The following SH3RF3 variants were observed in gnomAD, a reference collection of about 807,000 sequenced individuals.
SH3RF3 encodes SH3 domain containing ring finger 3.
SH3RF3 carries 29 observed loss-of-function variants against 66.3 expected under a neutral mutation model. The observed-to-expected ratio is 0.44, with a 90% CI of 0.33 to 0.60. The LOEUF is 0.60. SH3RF3 is among the 20% of genes least tolerant of loss of function. SH3RF3 has a pLI of 0.04. For missense variants in SH3RF3, 1,194 were observed against 1,190.9 expected, an observed-to-expected ratio of 1.00 and a Z score of -0.04; for synonymous variants, 583 against 532.0, an observed-to-expected ratio of 1.10 and a Z score of -1.32.
At chr2:109,210,305 T>C (rs1487940134) in intron 1 of SH3RF3, among the ~76,000 whole-genome samples, 1 of 152,242 alleles carries the variant, frequency 6.6e-6, no homozygotes, top group Non-Finnish European at 1.5e-5. Flanking sequence ...CTTTGAGTTT[T>C]TTTGAGTATA....
intron 5 of SH3RF3, among the ~76,000 whole-genome samples, chr2:109,431,998 T>A (rs998131543): frequency 6.6e-6 from 1 of 152,234 alleles, no homozygotes; most frequent in Admixed American, 6.5e-5. Flanking sequence ...TCTGGTTGAT[T>A]GGATAAGCCA....
chr2:109,132,143 G>A (rs1461259439), intron 1 of SH3RF3, among the ~76,000 whole-genome samples: 1 of 152,072 alleles, frequency 6.6e-6, no homozygotes, highest in Non-Finnish European at 1.5e-5. Flanking sequence ...TAATAGAGGG[G>A]CACTTATTTA....
intron 4 of SH3RF3, among the ~76,000 whole-genome samples, chr2:109,412,759 A>G (rs1676628761): frequency 6.6e-6 from 1 of 152,276 alleles, no homozygotes; most frequent in South Asian, 2.1e-4. Flanking sequence ...ATTAAAGTGT[A>G]GATTAAAAAA....
intron 1 of SH3RF3, among the ~76,000 whole-genome samples, chr2:109,231,370 C>T (rs928095160): frequency 1.3e-5 from 2 of 152,226 alleles, no homozygotes. Context: ...AAGGTTAATG[C>T]AGTTATCACC....
chr2:109,365,855 C>T (rs1683143150), intron 2 of SH3RF3, among the ~76,000 whole-genome samples: 1 of 151,982 alleles, frequency 6.6e-6, no homozygotes, highest in South Asian at 2.1e-4. Context: ...TGTTAAATTG[C>T]CTGGAAATCA....
intron 7 of SH3RF3, among the ~76,000 whole-genome samples, chr2:109,441,646 C>T (rs1677567215): frequency 6.6e-6 from 1 of 152,100 alleles, no homozygotes; most frequent in Non-Finnish European, 1.5e-5. Context: ...GAAATAATGA[C>T]CAAAATTGTT....
chr2:109,216,163 G>A (rs1260985458), intron 1 of SH3RF3, among the ~76,000 whole-genome samples: 3 of 152,124 alleles, frequency 2.0e-5, no homozygotes, highest in African/African-American at 2.4e-5. Flanking sequence ...GGAGTGAGTC[G>A]GGAGAGAGAG....
intron 1 of SH3RF3, among the ~76,000 whole-genome samples, chr2:109,221,045 A>T (rs767868620): frequency 9.2e-5 from 14 of 152,232 alleles, no homozygotes; most frequent in Non-Finnish European, 1.9e-4. Flanking sequence ...TGTGGTATGT[A>T]TACACAGTTG....
intron 1 of SH3RF3, among the ~76,000 whole-genome samples, chr2:109,155,043 T>C (rs1235254767): frequency 6.6e-6 from 1 of 152,216 alleles, no homozygotes; most frequent in Non-Finnish European, 1.5e-5. Context: ...GAGTGTGTTC[T>C]GGTGTGCTCA....
chr2:109,205,413 T>C (rs1310984683), intron 1 of SH3RF3, among the ~76,000 whole-genome samples: 2 of 151,992 alleles, frequency 1.3e-5, no homozygotes, highest in South Asian at 4.1e-4. Context: ...TTTTTTGTTT[T>C]TGTTTTTTGT....
chr2:109,405,980 C>G (rs1284660622), intron 4 of SH3RF3, among the ~76,000 whole-genome samples: 1 of 152,232 alleles, frequency 6.6e-6, no homozygotes, highest in African/African-American at 2.4e-5. Context: ...ACTGTGTGGC[C>G]TTCCCCAACT....
intron 4 of SH3RF3, among the ~76,000 whole-genome samples, chr2:109,419,043 G>A (rs555784830): frequency 3.9e-5 from 6 of 152,216 alleles, no homozygotes; most frequent in South Asian, 2.1e-4. Context: ...TGGGGTCTTG[G>A]GGGGAGGGGG....
chr2:109,301,591 C>T (rs1171771857), intron 1 of SH3RF3, among the ~76,000 whole-genome samples: 2 of 152,170 alleles, frequency 1.3e-5, no homozygotes, highest in African/African-American at 4.8e-5. Context: ...ACGCTACCAC[C>T]GTCCCCAGGG....
chr2:109,190,087 C>G (rs114766603), intron 1 of SH3RF3, among the ~76,000 whole-genome samples: 1 of 152,190 alleles, frequency 6.6e-6, no homozygotes, highest in Admixed American at 6.5e-5. Context: ...AAACTTTTCC[C>G]GTGATCATAT....
intron 8 of SH3RF3, among the ~76,000 whole-genome samples, chr2:109,487,592 A>C (rs1679016944): frequency 6.6e-6 from 1 of 152,094 alleles, no homozygotes; most frequent in South Asian, 2.1e-4. Flanking sequence ...ACATTTACGC[A>C]CCCCACCCTT....
intron 3 of SH3RF3, among the ~76,000 whole-genome samples, chr2:109,375,108 C>T (rs571467498): frequency 3.9e-5 from 6 of 152,204 alleles, no homozygotes; most frequent in Non-Finnish European, 8.8e-5. Context: ...ATCGTCTCTC[C>T]ACAGCCCCTG....
intron 8 of SH3RF3, among the ~76,000 whole-genome samples, chr2:109,487,488 A>G (rs1049433439): frequency 6.6e-6 from 1 of 152,192 alleles, no homozygotes; most frequent in Non-Finnish European, 1.5e-5. Flanking sequence ...CGTTTTGGAG[A>G]GGGTTTTCTA....
At chr2:109,283,202 G>A (rs138229160) in intron 1 of SH3RF3, among the ~76,000 whole-genome samples, 2 of 152,266 alleles carry the variant, frequency 1.3e-5, no homozygotes, top group Non-Finnish European at 2.9e-5. Flanking sequence ...GCCTCTGTTC[G>A]CTCCCTCCAG....
rs574646362 is a variant in SH3RF3 at position 109,419,593 on chromosome 2, G to T, written c.1354G>T (p.Val452Leu). The stretch of plus-strand genomic sequence containing the variant: ...CACGGCTGTCCCACGGGCTGCCTCG[G>T]TGTCTGGAGAGCAGGGCACGCCTCC... The part of the protein sequence containing the change: ...TPTAVPRAAS[V>L]SGEQGTPPKV... Residue 452 changes from valine (V) to leucine (L), a missense_variant, in exon 5 of 10, where the codon GTG becomes TTG. Val to Leu is a conservative substitution (Grantham distance 32). Transcript: ENST00000309415. 1 of 1,597,326 alleles carries T rather than the reference G, an allele frequency of 6.3e-7. No individual in the cohort carries two copies. The highest frequency in any genetic ancestry group is 8.5e-7 in the Non-Finnish European group (1 of 1,173,102).
Sources: gnomAD v4.1 joint callset for allele counts (sites outside exome capture counted in the v4.1 genomes callset) on GRCh38, gnomAD v4.1.1 for gene constraint, MANE v1.5 for transcripts, NCBI Gene and HGNC (gene_info 2026-07-23, HGNC 2026-07-21) for gene names.